TBL1XR1: variants seen among roughly 807,000 people sequenced by gnomAD.
TBL1XR1 encodes the protein F-box-like/WD repeat-containing protein TBL1XR1.
A neutral mutation model predicts 66.9 loss-of-function variants in TBL1XR1; 5 were observed. That is an observed-to-expected ratio of 0.07 (90% CI 0.04 to 0.16). The LOEUF is 0.16. Ranked by LOEUF, TBL1XR1 falls within the 10% of genes least tolerant of loss-of-function variation. TBL1XR1 has a pLI of 1.00. For synonymous variants in TBL1XR1, 210 were observed against 206.0 expected (o/e 1.02, Z -0.17); for missense variants, 238 against 623.2 (o/e 0.38, Z 6.58).
chr3:177,090,087 T>G (rs1467691405), intron 2 of TBL1XR1, among the ~76,000 whole-genome samples: 6 of 152,202 alleles, frequency 3.9e-5, no homozygotes, highest in Non-Finnish European at 7.4e-5. Flanking sequence ...ATCTAAAAAC[T>G]TCCACTCTTG....
intron 2 of TBL1XR1, among the ~76,000 whole-genome samples, chr3:177,087,326 G>A (rs1435835881): frequency 6.6e-6 from 1 of 151,810 alleles, no homozygotes; most frequent in Non-Finnish European, 1.5e-5. Flanking sequence ...AAGCCCTTAG[G>A]CTCTAAGTCA....
intron 15 of TBL1XR1, 115 bp from the exon 16 acceptor site, chr3:177,025,639 G>C: frequency 1.0e-6 from 1 of 995,980 alleles, no homozygotes; most frequent in Non-Finnish European, 1.5e-6. Context: ...TATAAAATTG[G>C]TAAAGCATAA....
intron 2 of TBL1XR1, among the ~76,000 whole-genome samples, chr3:177,072,129 C>G (rs1241222077): frequency 1.3e-5 from 2 of 152,130 alleles, no homozygotes; most frequent in African/African-American, 4.8e-5. Context: ...TCTTAAAAGA[C>G]ACACAGCAAT....
At chr3:177,195,404 G>A (rs1226846759) in intron 1 of TBL1XR1, among the ~76,000 whole-genome samples, 1 of 135,244 alleles carries the variant, frequency 7.4e-6, no homozygotes, top group East Asian at 2.1e-4. Flanking sequence ...ATGTTTTCGG[G>A]GAGACAAAGG....
intron 4 of TBL1XR1, 141 bp from the exon 5 acceptor site, chr3:177,051,867 T>C (rs1717135516): frequency 1.9e-6 from 2 of 1,077,224 alleles, no homozygotes; most frequent in South Asian, 1.9e-5. Context: ...ATATAAGAAG[T>C]CCGGAGGGAA....
intron 1 of TBL1XR1, among the ~76,000 whole-genome samples, chr3:177,181,999 G>A (rs1029304491): frequency 1.3e-5 from 2 of 151,958 alleles, no homozygotes; most frequent in Admixed American, 6.6e-5. Context: ...GTTTCCCCTA[G>A]CAAGTTCTAC....
At chr3:177,124,115 A>C (rs991131995) in intron 1 of TBL1XR1, among the ~76,000 whole-genome samples, 1 of 152,068 alleles carries the variant, frequency 6.6e-6, no homozygotes, top group Non-Finnish European at 1.5e-5. Flanking sequence ...GATGAGACCA[A>C]TTTTCAGGGT....
intron 2 of TBL1XR1, among the ~76,000 whole-genome samples, chr3:177,092,126 G>A (rs1451125670): frequency 1.3e-5 from 2 of 152,156 alleles, no homozygotes; most frequent in East Asian, 3.8e-4. Flanking sequence ...GTGAAAATGT[G>A]AAATCCAAAA....
chr3:177,146,589 C>CAAAA (rs78065426), intron 1 of TBL1XR1, among the ~76,000 whole-genome samples: 570 of 51,936 alleles, frequency 0.011, 40 homozygotes, highest in South Asian at 0.012. Context: ...GACTCCATCT[C>CAAAA]AAAAAAAAAA....
intron 1 of TBL1XR1, among the ~76,000 whole-genome samples, chr3:177,138,183 AG>A (rs1451573612): frequency 4.6e-5 from 7 of 152,358 alleles, no homozygotes; most frequent in African/African-American, 1.7e-4. Context: ...GTACTTCATC[AG>A]GGCACTGCAT....
chr3:177,160,328 G>C (rs940680307), intron 1 of TBL1XR1, among the ~76,000 whole-genome samples: 1 of 151,970 alleles, frequency 6.6e-6, no homozygotes, highest in African/African-American at 2.4e-5. Context: ...CAAAAAATTA[G>C]CTGGGCGTGG....
chr3:177,076,259 A>T (rs1222787299), intron 2 of TBL1XR1, among the ~76,000 whole-genome samples: 4 of 152,214 alleles, frequency 2.6e-5, no homozygotes. Context: ...AATGGAGATC[A>T]GGTTTCAACA....
At position 177,143,439 on chromosome 3, in the gene TBL1XR1, T is replaced by C. The variant is rs558306246; in HGVS notation, c.-121-44898A>G. 3.3e-5 allele frequency among the ~76,000 whole-genome samples: 5 copies of C among 152,360 alleles called. No individual in the cohort carries two copies. The East Asian group carries it at 7.7e-4, about 23-fold the overall frequency. ...AGATATTAATTTATGTCAACCACTT[T>C]AATGTGATTTTAAAACTTGTAAATG... On this transcript the variant is annotated intron_variant, in intron 1 of 15. Transcript: ENST00000457928.
At chr3:177,107,824 A>C (rs1725068693) in intron 1 of TBL1XR1, among the ~76,000 whole-genome samples, 2 of 152,188 alleles carry the variant, frequency 1.3e-5, no homozygotes. Flanking sequence ...TTATCTGAAT[A>C]CAACTACTCC....
chr3:177,071,029 C>CTTTTTTTTTTT (rs1553825595), intron 2 of TBL1XR1, among the ~76,000 whole-genome samples: 29 of 82,892 alleles, frequency 3.5e-4, no homozygotes, highest in East Asian at 9.4e-4. Context: ...TTCTGAGAAT[C>CTTTTTTTTTTT]TGTTTTTTTT....
intron 1 of TBL1XR1, among the ~76,000 whole-genome samples, chr3:177,106,507 C>T (rs1724908285): frequency 6.6e-6 from 1 of 152,088 alleles, no homozygotes; most frequent in South Asian, 2.1e-4. Flanking sequence ...CACGTGGTAT[C>T]GGAGGTTAAG....
intron 3 of TBL1XR1, among the ~76,000 whole-genome samples, chr3:177,054,348 C>A (rs895828638): frequency 6.6e-6 from 1 of 152,058 alleles, no homozygotes; most frequent in Non-Finnish European, 1.5e-5. Context: ...TTTTTTACAT[C>A]TAGAATTAAG....
chr3:177,181,822 GA>G (rs199618348), intron 1 of TBL1XR1, among the ~76,000 whole-genome samples: 167 of 86,588 alleles, frequency 1.9e-3, no homozygotes, highest in African/African-American at 3.7e-3. Flanking sequence ...TTCAAGTTAG[GA>G]AAAAAAAAAA....
At chr3:177,133,832 C>T (rs146678100) in intron 1 of TBL1XR1, among the ~76,000 whole-genome samples, 2,370 of 143,324 alleles carry the variant, frequency 0.017, 69 homozygotes, top group African/African-American at 0.058. Flanking sequence ...GCCAAGATCG[C>T]GCCACTGCAC....
Sources: allele counts gnomAD v4.1 joint callset (sites outside exome capture counted in the v4.1 genomes callset), GRCh38; gene constraint gnomAD v4.1.1; transcripts MANE v1.5; gene names NCBI Gene and HGNC (gene_info 2026-07-23, HGNC 2026-07-21).